Variants in CNTN4 observed in about 807,000 individuals in gnomAD.
CNTN4 encodes the protein contactin-4.
Under a neutral mutation model 122.5 loss-of-function variants are expected in CNTN4, and 77 were observed. The ratio of observed to expected loss-of-function variants is 0.63; its 90% CI spans 0.52 to 0.76. CNTN4 has a LOEUF of 0.76. CNTN4 is among the 30% of genes least tolerant of loss of function. CNTN4 has a pLI of 0.00. For missense variants in CNTN4, 1,256 were observed against 1,259.1 expected, an observed-to-expected ratio of 1.00 and a Z score of 0.04; for synonymous variants, 512 against 447.0, an observed-to-expected ratio of 1.15 and a Z score of -1.83.
At chr3:2,979,652 T>C (rs184681) in intron 13 of CNTN4, among the ~76,000 whole-genome samples, 81,866 of 151,650 alleles carry the variant, frequency 0.54, 24,445 homozygotes, top group African/African-American at 0.82. Context: ...AAGTGAGCTA[T>C]TTTATTCTTG....
intron 3 of CNTN4, among the ~76,000 whole-genome samples, chr3:2,415,127 G>C: frequency 6.6e-6 from 1 of 152,140 alleles, no homozygotes; most frequent in East Asian, 1.9e-4. Flanking sequence ...CTTCTCAGTT[G>C]CCTTAAAAGA....
chr3:2,265,011 A>G (rs1270851251), intron 2 of CNTN4, among the ~76,000 whole-genome samples: 1 of 151,730 alleles, frequency 6.6e-6, no homozygotes, highest in East Asian at 1.9e-4. Context: ...CCCTCACGCC[A>G]CTCGTACTCT....
intron 2 of CNTN4, among the ~76,000 whole-genome samples, chr3:2,246,179 A>G (rs1199896481): frequency 6.6e-6 from 1 of 152,104 alleles, no homozygotes; most frequent in African/African-American, 2.4e-5. Flanking sequence ...ATATCATACA[A>G]TGCAATTGCA....
intron 4 of CNTN4, among the ~76,000 whole-genome samples, chr3:2,646,747 G>C (rs1252649142): frequency 6.6e-6 from 1 of 152,112 alleles, no homozygotes; most frequent in Non-Finnish European, 1.5e-5. Context: ...TTGTTCCTGA[G>C]GACTCTCTCC....
At chr3:2,184,927 C>A (rs1317433031) in intron 2 of CNTN4, among the ~76,000 whole-genome samples, 1 of 152,304 alleles carries the variant, frequency 6.6e-6, no homozygotes, top group Admixed American at 6.5e-5. Context: ...TTCAGGTCCT[C>A]AAAATCTTTG....
intron 6 of CNTN4, among the ~76,000 whole-genome samples, chr3:2,778,860 C>G (rs1576757809): frequency 6.6e-6 from 1 of 152,170 alleles, no homozygotes; most frequent in East Asian, 1.9e-4. Context: ...GCAAATTACT[C>G]ACAAGATTAT....
intron 14 of CNTN4, among the ~76,000 whole-genome samples, chr3:2,994,913 T>C (rs1270180262): frequency 6.6e-6 from 1 of 152,154 alleles, no homozygotes; most frequent in African/African-American, 2.4e-5. Context: ...AACAAAAGCT[T>C]TTAACATTGG....
intron 3 of CNTN4, among the ~76,000 whole-genome samples, chr3:2,484,953 G>T (rs143920343): frequency 2.0e-5 from 3 of 152,272 alleles, no homozygotes; most frequent in African/African-American, 7.2e-5. Context: ...TGCGCTCACC[G>T]GCCAGCGCGA....
chr3:2,482,298 T>C (rs1056350042), intron 3 of CNTN4, among the ~76,000 whole-genome samples: 1 of 152,102 alleles, frequency 6.6e-6, no homozygotes, highest in African/African-American at 2.4e-5. Flanking sequence ...GCCCCTGCCC[T>C]AGAGATCTGT....
intron 6 of CNTN4, among the ~76,000 whole-genome samples, chr3:2,756,317 T>C (rs898248842): frequency 5.9e-5 from 9 of 152,294 alleles, no homozygotes; most frequent in African/African-American, 2.2e-4. Flanking sequence ...TCTGCCCTTG[T>C]AAATGGGATC....
intron 4 of CNTN4, among the ~76,000 whole-genome samples, chr3:2,710,712 G>A (rs1468195633): frequency 6.6e-6 from 1 of 152,036 alleles, no homozygotes; most frequent in East Asian, 1.9e-4. Flanking sequence ...TCTAATTGAG[G>A]CCATTTCTAC....
At chr3:2,804,737 C>CTTTAGTTTTTTTTTTTTTTTTTTTTTTT (rs1553643947) in intron 6 of CNTN4, among the ~76,000 whole-genome samples, 1 of 144,880 alleles carries the variant, frequency 6.9e-6, no homozygotes, top group African/African-American at 2.6e-5. Context: ...ATTTTGAGCA[C>CTTTAGTTTTTTTTTTTTTTTTTTTTTTT]TTTTTTTTTG....
At chr3:2,496,031 A>G (rs1215382271) in intron 3 of CNTN4, among the ~76,000 whole-genome samples, 1 of 152,294 alleles carries the variant, frequency 6.6e-6, no homozygotes, top group East Asian at 1.9e-4. Flanking sequence ...GGCTCAGAAA[A>G]ATTAGACTTA....
At chr3:2,798,161 G>A (rs112995637) in intron 6 of CNTN4, among the ~76,000 whole-genome samples, 2,732 of 148,934 alleles carry the variant, frequency 0.018, 90 homozygotes, top group African/African-American at 0.062. Context: ...TTGAGAACAT[G>A]TGGTATTTGA....
At chr3:2,149,439 T>G (rs1194986227) in intron 2 of CNTN4, among the ~76,000 whole-genome samples, 1 of 152,176 alleles carries the variant, frequency 6.6e-6, no homozygotes, top group Non-Finnish European at 1.5e-5. Context: ...GAATGCATAC[T>G]TCAGAGGCCC....
At chr3:2,687,530 G>A (rs908624215) in intron 4 of CNTN4, among the ~76,000 whole-genome samples, 1 of 152,098 alleles carries the variant, frequency 6.6e-6, no homozygotes, top group Non-Finnish European at 1.5e-5. Context: ...GGGCATGGTG[G>A]CATGCGCCTG....
At chr3:2,487,947 C>A (rs545119329) in intron 3 of CNTN4, among the ~76,000 whole-genome samples, 3 of 151,970 alleles carry the variant, frequency 2.0e-5, no homozygotes, top group Admixed American at 6.5e-5. Flanking sequence ...ATTTTAAGAC[C>A]GAAAATAAAG....
intron 3 of CNTN4, among the ~76,000 whole-genome samples, chr3:2,372,005 T>C (rs2045649351): frequency 6.6e-6 from 1 of 152,206 alleles, no homozygotes; most frequent in Non-Finnish European, 1.5e-5. Flanking sequence ...TTGGCTTAAA[T>C]AGAAACAATT....
intron 14 of CNTN4, among the ~76,000 whole-genome samples, chr3:3,019,509 G>A (rs932804346): frequency 2.6e-5 from 4 of 151,672 alleles, no homozygotes; most frequent in Non-Finnish European, 5.9e-5. Context: ...TGGCCAGGCT[G>A]GTCTGGAACT....
Sources: allele counts gnomAD v4.1 joint callset (sites outside exome capture counted in the v4.1 genomes callset), GRCh38; gene constraint gnomAD v4.1.1; transcripts MANE v1.5; gene names NCBI Gene and HGNC (gene_info 2026-07-23, HGNC 2026-07-21).